KYNU: variants seen among roughly 807,000 people sequenced by gnomAD.
KYNU encodes the protein kynureninase.
KYNU carries 54 observed loss-of-function variants against 59.2 expected under a neutral mutation model. The observed-to-expected ratio is 0.91, with a 90% CI of 0.73 to 1.14. The LOEUF is 1.14. KYNU is among the 50% of genes most tolerant of loss of function. The pLI, the probability that KYNU is intolerant of heterozygous loss-of-function variation, is 0.00. For synonymous variants in KYNU, 177 were observed against 192.0 expected, an observed-to-expected ratio of 0.92 and a Z score of 0.65; for missense variants, 567 against 554.4, an observed-to-expected ratio of 1.02 and a Z score of -0.23.
At chr2:142,904,998 T>C (rs6429992) in intron 2 of KYNU, among the ~76,000 whole-genome samples, 85,044 of 151,990 alleles carry the variant, frequency 0.56, 24,839 homozygotes, top group African/African-American at 0.71. Flanking sequence ...CATAACAACC[T>C]GGCTGCCCAT....
chr2:142,947,677 A>G (rs1018336533), intron 4 of KYNU: 1 of 157,578 alleles, frequency 6.3e-6, no homozygotes, highest in African/African-American at 2.4e-5. Flanking sequence ...TGAAGAAGCA[A>G]TTACTCCTTC....
chr2:142,897,066 C>T (rs765734886), intron 2 of KYNU, among the ~76,000 whole-genome samples: 9 of 152,166 alleles, frequency 5.9e-5, no homozygotes, highest in Non-Finnish European at 1.3e-4. Context: ...AGTATTTGAA[C>T]ATTTCCCAGT....
chr2:142,949,788 C>T (rs1386049404), intron 4 of KYNU, among the ~76,000 whole-genome samples: 1 of 149,918 alleles, frequency 6.7e-6, no homozygotes, highest in East Asian at 1.9e-4. Context: ...CTCCTCGTTA[C>T]TTATGCAAAT....
intron 2 of KYNU, among the ~76,000 whole-genome samples, chr2:142,910,119 C>T (rs989135170): frequency 7.8e-6 from 1 of 128,136 alleles, no homozygotes; most frequent in Non-Finnish European, 1.6e-5. Context: ...AGTGTCTATT[C>T]ATGTTCTTTG....
At chr2:142,879,665 T>A (rs1681224249) in intron 1 of KYNU, 2 of 152,236 alleles carry the variant, frequency 1.3e-5, no homozygotes, top group African/African-American at 4.8e-5. Flanking sequence ...ATCTCAGGCA[T>A]GGTTAAGTAC....
At chr2:142,901,151 G>A (rs890396603) in intron 2 of KYNU, among the ~76,000 whole-genome samples, 4 of 152,050 alleles carry the variant, frequency 2.6e-5, no homozygotes, top group African/African-American at 7.2e-5. Context: ...CTATCTGCTT[G>A]TTAGTTTTGA....
Position 142,886,838 on chromosome 2 carries a change from C to CT in KYNU, c.169+1303dup, listed in dbSNP as rs549224374. Among the ~76,000 whole-genome samples the CT allele has an allele frequency of 1.3e-3, 197 of 152,292 alleles. 1 individual carries two copies. Among genetic ancestry groups the CT allele is most frequent in the African/African-American group, 4.4e-3 (182 of 41,566 alleles). On this transcript the variant is annotated intron_variant, in intron 2 of 13. Transcript: ENST00000264170. Reference sequence around the variant, plus strand: ...GCCCTGCCCTGATGTGCTCTCTGGCCTACAGGGCTCCTGTACTGAGTCAGA... The same window carrying CT: ...GCCCTGCCCTGATGTGCTCTCTGGCCTTACAGGGCTCCTGTACTGAGTCAGA...
chr2:142,882,020 G>A (rs1044674192), intron 1 of KYNU, among the ~76,000 whole-genome samples: 1 of 148,570 alleles, frequency 6.7e-6, no homozygotes, highest in African/African-American at 2.5e-5. Context: ...TCCCAGTGCT[G>A]GGGTAACAGG....
intron 3 of KYNU, among the ~76,000 whole-genome samples, chr2:142,925,672 A>G (rs531567440): frequency 6.6e-6 from 1 of 152,294 alleles, no homozygotes; most frequent in South Asian, 2.1e-4. Context: ...GTCAAAAGCC[A>G]ATTATTAAAT....
intron 2 of KYNU, among the ~76,000 whole-genome samples, chr2:142,907,619 G>A (rs1423596055): frequency 6.6e-6 from 1 of 152,202 alleles, no homozygotes; most frequent in Non-Finnish European, 1.5e-5. Context: ...CCATACAATG[G>A]GAGGGGACCC....
In KYNU at chr2:143,042,618, A is replaced by ATGTGTGTGTGTGTG. The variant is rs1558990223; in HGVS notation, c.*447_*448insGTGTGTGTGTGTGT. Reference sequence around the variant, plus strand: ...TATATATATATATATATATATATATATATATATATATATGTGTGTGTGTGT... The same window carrying ATGTGTGTGTGTGTG: ...TATATATATATATATATATATATATATGTGTGTGTGTGTGTATATATATATATGTGTGTGTGTGT... On this transcript the variant is annotated 3_prime_UTR_variant, in exon 14 of 14. Transcript: ENST00000264170. 5.0e-5 allele frequency: 2 copies of ATGTGTGTGTGTGTG among 40,300 alleles called. No homozygotes were observed. The highest frequency in any genetic ancestry group is 1.9e-4 in the African/African-American group (2 of 10,528). The allele number at this position is 40,300 out of a possible 1,614,324, so 2.5% of individuals were successfully genotyped here. A position where few individuals can be genotyped will look rare whatever the true frequency, so the allele number is the denominator to read the frequency against.
intron 8 of KYNU, 99 bp downstream of exon 8, chr2:142,960,869 G>A: frequency 8.2e-7 from 1 of 1,216,706 alleles, no homozygotes; most frequent in South Asian, 1.3e-5. Flanking sequence ...GCTTGTGTCT[G>A]AGTAAAACTA....
chr2:142,913,430 C>A (rs1308229414), intron 2 of KYNU, among the ~76,000 whole-genome samples: 1 of 151,926 alleles, frequency 6.6e-6, no homozygotes, highest in African/African-American at 2.4e-5. Flanking sequence ...TTTTTGATAT[C>A]TGCCTTAATT....
chr2:142,968,845 G>A (rs1684625653), intron 8 of KYNU, among the ~76,000 whole-genome samples: 1 of 151,942 alleles, frequency 6.6e-6, no homozygotes, highest in Admixed American at 6.6e-5. Context: ...CTCAGGAGGT[G>A]GAGGCTGCAA....
chr2:142,986,559 A>G (rs1196591824), intron 10 of KYNU, among the ~76,000 whole-genome samples: 1 of 151,962 alleles, frequency 6.6e-6, no homozygotes, highest in Admixed American at 6.6e-5. Context: ...ATAAAAAGTA[A>G]TACTTTTCTG....
At chr2:142,918,126 A>G (rs1377729175) in intron 2 of KYNU, among the ~76,000 whole-genome samples, 1 of 152,194 alleles carries the variant, frequency 6.6e-6, no homozygotes, top group Non-Finnish European at 1.5e-5. Flanking sequence ...TATAGAATGA[A>G]AAAAACCGCA....
chr2:143,029,628 T>C lies in KYNU; in HGVS notation c.904T>C (p.Leu302=). The C allele has an allele frequency of 6.3e-7, 1 of 1,594,362 alleles. No individual in the cohort carries two copies. Among genetic ancestry groups the C allele is most frequent in the Non-Finnish European group, 8.6e-7 (1 of 1,162,074 alleles). ...EKHAHTIKPA[L]VGWFGHELST... is the part of the protein sequence containing the mutation. ...CTAATGTTTTTATTTATATTTTAGA[T>C]TAGTGGGATGGTTTGGCCATGAACT... is the stretch of plus-strand genomic sequence containing the variant. The change falls in exon 11 of 14, where the codon TTA becomes CTA. Residue 302 remains leucine (L), a splice_region_variant and synonymous_variant. Transcript: ENST00000264170.
intron 8 of KYNU, among the ~76,000 whole-genome samples, chr2:142,977,458 G>T (rs77402477): frequency 6.7e-6 from 1 of 149,222 alleles, no homozygotes; most frequent in Non-Finnish European, 1.5e-5. Flanking sequence ...AGTTGGAACA[G>T]TATTCTGGTT....
intron 13 of KYNU, among the ~76,000 whole-genome samples, chr2:143,041,736 G>A (rs1182834654): frequency 1.3e-5 from 2 of 151,316 alleles, no homozygotes; most frequent in East Asian, 1.9e-4. Context: ...CTTCCATGGG[G>A]TCCCCACGGG....
Sources: allele counts gnomAD v4.1 joint callset (sites outside exome capture counted in the v4.1 genomes callset), GRCh38; gene constraint gnomAD v4.1.1; transcripts MANE v1.5; gene names NCBI Gene and HGNC (gene_info 2026-07-23, HGNC 2026-07-21).